KCNQ2: variants seen among roughly 807,000 people sequenced by gnomAD.
KCNQ2 encodes potassium voltage-gated channel subfamily Q member 2.
Under a neutral mutation model 84.8 loss-of-function variants are expected in KCNQ2, and 14 were observed. The observed-to-expected ratio is 0.17, with a 90% CI of 0.11 to 0.26. The LOEUF (loss-of-function observed/expected upper bound fraction) is 0.26. Ranked by LOEUF, KCNQ2 falls within the 10% of genes least tolerant of loss-of-function variation. The pLI is 1.00. For missense variants in KCNQ2, 788 were observed against 1,254.0 expected, an observed-to-expected ratio of 0.63 and a Z score of 5.61; for synonymous variants, 599 against 554.1, an observed-to-expected ratio of 1.08 and a Z score of -1.14.
chr20:63,426,939 G>A (rs2080650816), intron 10 of KCNQ2, among the ~76,000 whole-genome samples: 2 of 152,328 alleles, frequency 1.3e-5, no homozygotes, highest in Middle Eastern at 3.4e-3. Context: ...AGTCATCAGA[G>A]GCCGGGCACA....
At chr20:63,424,438 G>T in intron 10 of KCNQ2, 1 of 589,784 alleles carries the variant, frequency 1.7e-6, no homozygotes, top group Non-Finnish European at 3.0e-6. Context: ...GGGACTCCAT[G>T]GGGCGGGGGC....
At chr20:63,413,939 G>T in intron 14 of KCNQ2, 149 bp downstream of exon 14, 2 of 679,544 alleles carry the variant, frequency 2.9e-6, no homozygotes, top group Non-Finnish European at 2.6e-6. Context: ...ATTCAGCCAG[G>T]TCCACCCGTG....
chr20:63,464,345 C>G (rs1170275559), intron 1 of KCNQ2, among the ~76,000 whole-genome samples: 2 of 151,900 alleles, frequency 1.3e-5, no homozygotes, highest in African/African-American at 4.8e-5. Context: ...CCAAGTGCCC[C>G]GAGGCCTCGG....
At chr20:63,459,215 C>T (rs1490419319) in intron 1 of KCNQ2, 3 of 152,390 alleles carry the variant, frequency 2.0e-5, no homozygotes, top group East Asian at 3.9e-4. Flanking sequence ...TCCACTTACA[C>T]GAAACATCCG....
chr20:63,448,273 G>A (rs1246117951), intron 1 of KCNQ2: 1 of 152,288 alleles, frequency 6.6e-6, no homozygotes, highest in Admixed American at 6.5e-5. Flanking sequence ...CGTGTCCAAC[G>A]TCCAGGTCCT....
rs2080227521 is a variant in KCNQ2 at position 63,414,591 on chromosome 20, G to A, written c.1525+312C>T. ...ACGGCCCAAGAGCAGCGGGTGCTGG[G>A]GCTGAGGCGGGGAATGGGGTGACTA... On this transcript the variant is annotated intron_variant, in intron 13 of 16. Transcript: ENST00000359125. This position sits in a 1 kb window ranked among gnomAD's most constrained non-coding sequence, Gnocchi z 6.6. Among the ~76,000 whole-genome samples, 1 of 152,062 alleles carries A rather than the reference G, an allele frequency of 6.6e-6. No individual in the cohort carries two copies. Among genetic ancestry groups the A allele is most frequent in the Non-Finnish European group, 1.5e-5 (1 of 68,022 alleles).
intron 11 of KCNQ2, chr20:63,423,912 C>T (rs964215498): frequency 4.3e-6 from 2 of 461,230 alleles, no homozygotes; most frequent in African/African-American, 4.1e-5. Context: ...GGTGGGGGAT[C>T]CCCCACCCCC....
Position 63,414,703 on chromosome 20 carries a change from C to G in KCNQ2, c.1525+200G>C, listed in dbSNP as rs953308423. On this transcript the variant is annotated intron_variant, in intron 13 of 16. Coordinates refer to ENST00000359125, the MANE Select transcript of KCNQ2 (RefSeq NM_172107.4). The surrounding 1 kb of genome is among the most constrained non-coding windows in gnomAD (Gnocchi z 6.6). ...TGGTGACAACTCCACCGTGAGCGTG[C>G]TACATGCCACTGAATTCCTACACTT... 6.6e-6 allele frequency among the ~76,000 whole-genome samples: 1 copy of G among 151,436 alleles called. No homozygotes were observed. Among genetic ancestry groups the G allele is most frequent in the Non-Finnish European group, 1.5e-5 (1 of 67,944 alleles).
chr20:63,431,376 A>G lies in KCNQ2; in HGVS notation c.1119-7T>C, dbSNP rs953495853. On this transcript the variant is annotated splice_region_variant and splice_polypyrimidine_tract_variant and intron_variant, in intron 8 of 16. Coordinates refer to ENST00000359125, the MANE Select transcript of KCNQ2 (RefSeq NM_172107.4). ...GTAGGTTTGAGTTTGCGAACTTTCA[A>G]GTGTTTCCACACACACAAAGGGAAA... The G allele has an allele frequency of 6.2e-7, 1 of 1,613,706 alleles. No homozygotes were observed. The highest frequency in any genetic ancestry group is 1.3e-5 in the African/African-American group (1 of 74,910).
Position 63,460,230 on chromosome 20 carries a change from C to G in KCNQ2, c.296+11938G>C, listed in dbSNP as rs988885930. Among the ~76,000 whole-genome samples, 1 of 152,208 alleles carries G rather than the reference C, an allele frequency of 6.6e-6. No homozygotes were observed. The highest frequency in any genetic ancestry group is 6.5e-5 in the Admixed American group (1 of 15,284). On this transcript the variant is annotated intron_variant, in intron 1 of 16. Coordinates refer to ENST00000359125, the MANE Select transcript of KCNQ2 (RefSeq NM_172107.4). The surrounding 1 kb of genome is among the most constrained non-coding windows in gnomAD (Gnocchi z 5.4). The stretch of plus-strand genomic sequence containing the variant: ...CCTGCAGGTCCCTCCCTGGCCTTAC[C>G]CAAGCCCTTAGCAGCTTTGGGGAGC...
intron 1 of KCNQ2, among the ~76,000 whole-genome samples, chr20:63,449,902 CA>C (rs1344703914): frequency 6.6e-6 from 1 of 152,002 alleles, no homozygotes; most frequent in Non-Finnish European, 1.5e-5. Context: ...GTGGTGGCAG[CA>C]ATTGGAGCAC....
At chr20:63,427,891 G>C (rs1346113647) in intron 10 of KCNQ2, among the ~76,000 whole-genome samples, 3 of 152,192 alleles carry the variant, frequency 2.0e-5, no homozygotes, top group African/African-American at 7.2e-5. Context: ...GCCTGGGCAG[G>C]CCTGGCAGGT....
chr20:63,457,936 T>A (rs2081846945), intron 1 of KCNQ2, among the ~76,000 whole-genome samples: 1 of 152,150 alleles, frequency 6.6e-6, no homozygotes, highest in Non-Finnish European at 1.5e-5. Flanking sequence ...CTGCTCACGG[T>A]CCCTGGAGAC....
intron 5 of KCNQ2, among the ~76,000 whole-genome samples, chr20:63,442,059 C>G (rs1364571503): frequency 6.6e-6 from 1 of 152,182 alleles, no homozygotes; most frequent in Admixed American, 6.5e-5. Context: ...CAGGACAGAT[C>G]TCCTAGGGAT....
intron 8 of KCNQ2, among the ~76,000 whole-genome samples, chr20:63,432,754 A>T (rs375062871): frequency 0.086 from 7,035 of 81,428 alleles, 516 homozygotes; most frequent in Non-Finnish European, 0.13. Flanking sequence ...GGCTCCACCC[A>T]CAGGGAAGGC....
rs117242768 is a variant in KCNQ2, at chr20:63,414,252, G to T, written c.1526-59C>A. ...GGGGGCCGGGAGACCTATTCCCGGG[G>T]TCCTGCAGGGCACACCGGCTAGACA... On this transcript the variant is annotated intron_variant, in intron 13 of 16. Transcript: ENST00000359125. The surrounding 1 kb of genome is among the most constrained non-coding windows in gnomAD (Gnocchi z 6.6). 1,736 of 1,252,548 alleles carry T rather than the reference G, an allele frequency of 1.4e-3. 33 individuals are homozygous for T. The East Asian group carries it at 0.037, about 27-fold the overall frequency. 77.6% of individuals were successfully genotyped at this position (1,252,548 alleles called of 1,614,324 possible).
At chr20:63,443,011 C>G in intron 4 of KCNQ2, among the ~76,000 whole-genome samples, 1 of 114,882 alleles carries the variant, frequency 8.7e-6, no homozygotes, top group Non-Finnish European at 1.8e-5. Flanking sequence ...CCACCATCAC[C>G]ATCACCACCA....
In KCNQ2 at chr20:63,408,227, G is replaced by A. The variant is rs572615828; in HGVS notation, c.1887+186C>T. 62 of 737,770 alleles carry A rather than the reference G, an allele frequency of 8.4e-5. No individual in the cohort carries two copies. The African/African-American group carries it at 1.0e-3, about 12-fold the overall frequency. The allele number at this position is 737,770 out of a possible 1,614,324, so 45.7% of individuals were successfully genotyped here. A position where few individuals can be genotyped will look rare whatever the true frequency, so the allele number is the denominator to read the frequency against. The stretch of plus-strand genomic sequence containing the variant: ...AGGAGGGAAGGCACCCAGGCCGGGG[G>A]TGGGAGGCTCACGGTGGGGTGTGAG... On this transcript the variant is annotated intron_variant, in intron 16 of 16. Transcript: ENST00000359125. The surrounding 1 kb of genome is among the most constrained non-coding windows in gnomAD (Gnocchi z 5.0).
intron 3 of KCNQ2, among the ~76,000 whole-genome samples, 161 bp from the exon 4 acceptor site, chr20:63,444,995 A>T (rs557998079): frequency 6.6e-6 from 1 of 152,138 alleles, no homozygotes; most frequent in Admixed American, 6.5e-5. Context: ...GGACATTACT[A>T]TCGTCCACCC....
Sources: gnomAD v4.1 joint callset for allele counts (sites outside exome capture counted in the v4.1 genomes callset) on GRCh38, gnomAD v4.1.1 for gene constraint, Gnocchi (gnomAD v3.1) non-coding constraint, MANE v1.5 for transcripts, NCBI Gene and HGNC (gene_info 2026-07-23, HGNC 2026-07-21) for gene names.